Variants in RPGRIP1L observed in about 807,000 individuals in gnomAD.
The protein encoded by RPGRIP1L is protein fantom.
In RPGRIP1L, 131 loss-of-function variants were observed where a neutral mutation model predicts 160.4. That is an observed-to-expected ratio of 0.82 (90% confidence interval 0.71 to 0.94). The LOEUF is 0.94. Ranked by LOEUF, RPGRIP1L falls within the 40% of genes least tolerant of loss-of-function variation. The pLI, the probability that RPGRIP1L is intolerant of heterozygous loss-of-function variation, is 0.00. For synonymous variants in RPGRIP1L, 510 were observed against 515.8 expected (o/e 0.99, Z 0.15); for missense variants, 1,522 against 1,535.8 (o/e 0.99, Z 0.15).
rs942992670 is a variant in RPGRIP1L, at chr16:53,650,244, C to T, written c.2153-1129G>A. Among the ~76,000 whole-genome samples the T allele has an allele frequency of 5.9e-5, 9 of 152,082 alleles. No individual in the cohort carries two copies. The East Asian group carries it at 9.6e-4, about 16-fold the overall frequency. On this transcript the variant is annotated intron_variant, in intron 15 of 26. Coordinates refer to ENST00000647211, the MANE Select transcript of RPGRIP1L (RefSeq NM_015272.5). ...AGGCCGAGATTGACCCCTTCTTGCT[C>T]GCTCCCACCCTCTAACCTTCTGCCA...
At chr16:53,611,811 C>T (rs905545098) in intron 24 of RPGRIP1L, among the ~76,000 whole-genome samples, 1 of 152,194 alleles carries the variant, frequency 6.6e-6, no homozygotes, top group Non-Finnish European at 1.5e-5. Flanking sequence ...TATTTGTTCT[C>T]AGTTCGGCAG....
intron 26 of RPGRIP1L, 117 bp downstream of exon 26, chr16:53,605,364 G>A (rs2150919947): frequency 8.8e-7 from 1 of 1,140,036 alleles, no homozygotes; most frequent in Non-Finnish European, 1.3e-6. Flanking sequence ...GAGTTGTAAA[G>A]GATTCAAGTA....
chr16:53,667,269 A>G (rs1257711590), intron 9 of RPGRIP1L, among the ~76,000 whole-genome samples: 1 of 152,206 alleles, frequency 6.6e-6, no homozygotes, highest in Non-Finnish European at 1.5e-5. Context: ...GACATGGGTC[A>G]GCAAACTGTA....
intron 1 of RPGRIP1L, among the ~76,000 whole-genome samples, chr16:53,703,002 C>T (rs1437857725): frequency 1.3e-5 from 2 of 152,200 alleles, no homozygotes; most frequent in African/African-American, 4.8e-5. Context: ...TGCGTGGTGG[C>T]TCACACCTGT....
intron 22 of RPGRIP1L, chr16:53,628,172 T>C (rs1347541418): frequency 6.6e-6 from 1 of 151,952 alleles, no homozygotes; most frequent in Non-Finnish European, 1.5e-5. Context: ...AGCCTACCTG[T>C]AGGAGCCACA....
chr16:53,638,050 A>C (rs536439986), intron 20 of RPGRIP1L, among the ~76,000 whole-genome samples, 196 bp from the exon 21 acceptor site: 3 of 152,166 alleles, frequency 2.0e-5, no homozygotes, highest in Non-Finnish European at 4.4e-5. Context: ...AAATCTGAAT[A>C]TGTACTAAGA....
At chr16:53,610,774 A>G (rs535938399) in intron 25 of RPGRIP1L, among the ~76,000 whole-genome samples, 193 bp downstream of exon 25, 1 of 152,216 alleles carries the variant, frequency 6.6e-6, no homozygotes, top group Non-Finnish European at 1.5e-5. Context: ...ATTACTTTGT[A>G]TAGTAGGAAG....
chr16:53,616,476 A>C (rs1057061505), intron 24 of RPGRIP1L, among the ~76,000 whole-genome samples: 32 of 152,286 alleles, frequency 2.1e-4, no homozygotes, highest in African/African-American at 7.7e-4. Context: ...TCATTTTTTC[A>C]GATATAACAG....
chr16:53,676,780 G>A (rs1362870005), intron 6 of RPGRIP1L, among the ~76,000 whole-genome samples: 4 of 151,864 alleles, frequency 2.6e-5, no homozygotes, highest in African/African-American at 4.8e-5. Context: ...CTACAGGCGC[G>A]TGCCACCATG....
At chr16:53,670,830 C>T (rs1195641529) in intron 9 of RPGRIP1L, among the ~76,000 whole-genome samples, 1 of 152,150 alleles carries the variant, frequency 6.6e-6, no homozygotes, top group African/African-American at 2.4e-5. Context: ...CGCAGTGGCT[C>T]ACCCCTGTAA....
At chr16:53,675,346 A>C (rs1969073657) in intron 6 of RPGRIP1L, among the ~76,000 whole-genome samples, 1 of 152,154 alleles carries the variant, frequency 6.6e-6, no homozygotes, top group African/African-American at 2.4e-5. Context: ...GAACTCACAA[A>C]GTTTGAAGGG....
chr16:53,690,506 TA>T (rs1970311944), intron 4 of RPGRIP1L, among the ~76,000 whole-genome samples: 1 of 152,188 alleles, frequency 6.6e-6, no homozygotes, highest in African/African-American at 2.4e-5. Context: ...TAGACTCACT[TA>T]TTTTTAGAGA....
intron 9 of RPGRIP1L, among the ~76,000 whole-genome samples, chr16:53,670,077 C>T (rs535394801): frequency 7.9e-5 from 12 of 152,048 alleles, no homozygotes; most frequent in South Asian, 2.1e-4. Flanking sequence ...GTGTCTGAAC[C>T]TACTGTTGGT....
intron 16 of RPGRIP1L, among the ~76,000 whole-genome samples, chr16:53,647,877 G>A (rs1206192489): frequency 6.6e-6 from 1 of 151,944 alleles, no homozygotes; most frequent in Non-Finnish European, 1.5e-5. Context: ...AGGCTGAGGC[G>A]GGTGGATCAC....
intron 3 of RPGRIP1L, chr16:53,695,010 T>C: frequency 3.7e-6 from 1 of 271,920 alleles, no homozygotes; most frequent in Admixed American, 5.0e-5. Flanking sequence ...GGCAGAGAGA[T>C]AACAGAATGC....
chr16:53,687,910 T>G lies in RPGRIP1L; in HGVS notation c.585A>C (p.Lys195Asn). 6.2e-7 allele frequency: 1 copy of G among 1,612,040 alleles called. No homozygotes were observed. The highest frequency in any genetic ancestry group is 1.7e-4 in the Middle Eastern group (1 of 6,036). The change falls in exon 5 of 27, where the codon AAA (lysine) becomes AAC (asparagine). Residue 195 changes from lysine (K) to asparagine (N), a missense_variant. Transcript: ENST00000647211. ...VAETPHPMFTKYGNSLLEEAR... is the reference protein window; with the variant it reads ...VAETPHPMFTNYGNSLLEEAR... The stretch of plus-strand genomic sequence containing the variant: ...CTTCTTCAAGTAAACTGTTGCCATA[T>G]TTTGTAAACATGGGATGTGGAGTTT...
At chr16:53,605,345 C>T (rs1053116818) in intron 26 of RPGRIP1L, 136 bp downstream of exon 26, 9 of 945,592 alleles carry the variant, frequency 9.5e-6, no homozygotes, top group African/African-American at 6.4e-5. Flanking sequence ...TTCACCAAAG[C>T]GTCAACTTGA....
chr16:53,672,831 T>C (rs775834939), intron 8 of RPGRIP1L, 39 bp downstream of exon 8: 2 of 1,582,388 alleles, frequency 1.3e-6, no homozygotes, highest in East Asian at 4.5e-5. Flanking sequence ...TACCAAGAAG[T>C]TGTAATGCAA....
At chr16:53,664,753 C>T in intron 10 of RPGRIP1L, 117 bp downstream of exon 10, 1 of 1,131,024 alleles carries the variant, frequency 8.8e-7, no homozygotes, top group South Asian at 1.2e-5. Flanking sequence ...CTGTGTCTGT[C>T]CCTCATACAT....
Sources: gnomAD v4.1 joint callset for allele counts (sites outside exome capture counted in the v4.1 genomes callset) on GRCh38, gnomAD v4.1.1 for gene constraint, MANE v1.5 for transcripts, NCBI Gene and HGNC (gene_info 2026-07-23, HGNC 2026-07-21) for gene names.